Variants in SNX30 observed in about 807,000 individuals in gnomAD.
SNX30 encodes sorting nexin family member 30, also known as sorting nexin-30.
In SNX30, 24 loss-of-function variants were observed where a neutral mutation model predicts 46.4. The ratio of observed to expected loss-of-function variants is 0.52; its 90% CI spans 0.37 to 0.73. The LOEUF is 0.73. Among genes scored for constraint, SNX30 ranks in the 30% least tolerant of loss-of-function variants. SNX30 has a pLI of 0.00. For missense variants in SNX30, 533 were observed against 555.7 expected, an observed-to-expected ratio of 0.96 and a Z score of 0.41; for synonymous variants, 189 against 211.5, an observed-to-expected ratio of 0.89 and a Z score of 0.92.
intron 7 of SNX30, among the ~76,000 whole-genome samples, chr9:112,854,168 G>A (rs940682309): frequency 2.0e-4 from 30 of 152,328 alleles, no homozygotes; most frequent in African/African-American, 6.5e-4. Context: ...ATAATAGGCT[G>A]AGTTAAGTCT....
intron 1 of SNX30, among the ~76,000 whole-genome samples, chr9:112,785,635 T>G (rs1433098945): frequency 1.3e-5 from 2 of 152,128 alleles, no homozygotes; most frequent in Admixed American, 1.3e-4. Context: ...CTGCCTGCCT[T>G]GGCTTTCCAA....
intron 8 of SNX30, among the ~76,000 whole-genome samples, chr9:112,865,033 C>A (rs900935032): frequency 2.7e-5 from 4 of 150,824 alleles, no homozygotes; most frequent in Non-Finnish European, 5.9e-5. Context: ...CCACCACACC[C>A]CACACACACA....
At chr9:112,758,194 G>A (rs1203643644) in intron 1 of SNX30, among the ~76,000 whole-genome samples, 4 of 152,154 alleles carry the variant, frequency 2.6e-5, no homozygotes, top group African/African-American at 9.7e-5. Flanking sequence ...AAGGCTGACT[G>A]AGGGTGTAGA....
At position 112,865,744 on chromosome 9, in the gene SNX30, AGT is replaced by A. The variant is rs35558616; in HGVS notation, c.1254+1360_1254+1361del. Among the ~76,000 whole-genome samples the A allele has an allele frequency of 4.9e-3, 686 of 139,890 alleles. 5 individuals are homozygous for A. The highest frequency in any genetic ancestry group is 0.018 in the East Asian group (84 of 4,688). The allele number at this position is 139,890 out of a possible 152,430, so 91.8% of individuals were successfully genotyped here. On this transcript the variant is annotated intron_variant, in intron 8 of 8. Transcript: ENST00000374232. ...ACATACATACATACACACATGAGTG[AGT>A]GTGTGTGTGTGTGTATGTATGTATG...
At chr9:112,865,059 AC>A (rs1200188871) in intron 8 of SNX30, among the ~76,000 whole-genome samples, 11 of 119,072 alleles carry the variant, frequency 9.2e-5, no homozygotes, top group South Asian at 3.2e-4. Flanking sequence ...CACACACCAC[AC>A]CCCCCCACAC....
chr9:112,835,811 G>T (rs1279470650), intron 4 of SNX30, among the ~76,000 whole-genome samples: 1 of 151,944 alleles, frequency 6.6e-6, no homozygotes, highest in Non-Finnish European at 1.5e-5. Context: ...CTTTAGTTGG[G>T]GTATAAATAA....
chr9:112,772,374 G>A (rs566495270), intron 1 of SNX30, among the ~76,000 whole-genome samples: 1 of 152,318 alleles, frequency 6.6e-6, no homozygotes, highest in African/African-American at 2.4e-5. Context: ...CTCCAGGTGT[G>A]CTGGGAGACC....
chr9:112,807,247 G>A lies in SNX30; in HGVS notation c.348+2280G>A, dbSNP rs1840243229. On this transcript the variant is annotated intron_variant, in intron 2 of 8. Transcript: ENST00000374232. ...TGCCCGGCTACTTTTTGTATTTTTA[G>A]TAGAGATGAGGTTTTACTATGTTGG... Among the ~76,000 whole-genome samples, 3 of 151,872 alleles carry A rather than the reference G, an allele frequency of 2.0e-5. 1 individual carries two copies. The South Asian group carries it at 6.2e-4, about 32-fold the overall frequency.
At chr9:112,760,205 G>T (rs1396074448) in intron 1 of SNX30, among the ~76,000 whole-genome samples, 1 of 152,246 alleles carries the variant, frequency 6.6e-6, no homozygotes, top group East Asian at 1.9e-4. Context: ...AGGGGAAGAG[G>T]CGAAGTTAAG....
At chr9:112,810,359 G>C (rs1376528647) in intron 2 of SNX30, among the ~76,000 whole-genome samples, 1 of 152,174 alleles carries the variant, frequency 6.6e-6, no homozygotes, top group Non-Finnish European at 1.5e-5. Flanking sequence ...ACACACCCAG[G>C]TCTGGTAGAG....
chr9:112,786,930 T>C (rs1839938774), intron 1 of SNX30, among the ~76,000 whole-genome samples: 1 of 152,238 alleles, frequency 6.6e-6, no homozygotes, highest in Non-Finnish European at 1.5e-5. Context: ...ATGTTTTAAC[T>C]ATGATCAGAC....
At chr9:112,766,094 G>A (rs983699023) in intron 1 of SNX30, among the ~76,000 whole-genome samples, 1 of 152,034 alleles carries the variant, frequency 6.6e-6, no homozygotes, top group Non-Finnish European at 1.5e-5. Context: ...GAGCCACCAC[G>A]CCCAGCCTAG....
At chr9:112,864,766 G>T (rs1050583885) in intron 8 of SNX30, among the ~76,000 whole-genome samples, 16 of 152,036 alleles carry the variant, frequency 1.1e-4, no homozygotes, top group Non-Finnish European at 2.2e-4. Flanking sequence ...CTGTACACAG[G>T]GTCCCTTCAG....
chr9:112,854,719 G>A (rs1841092667), intron 7 of SNX30, among the ~76,000 whole-genome samples: 1 of 152,170 alleles, frequency 6.6e-6, no homozygotes, highest in African/African-American at 2.4e-5. Flanking sequence ...GGCAGAGGAG[G>A]GTGCAGTTGG....
rs117096049 is a variant in SNX30, at chr9:112,837,820, A to G, written c.815-678A>G. Among the ~76,000 whole-genome samples the G allele has an allele frequency of 9.9e-3, 1,486 of 149,844 alleles. 7 individuals carry two copies. The highest frequency in any genetic ancestry group is 0.015 in the Non-Finnish European group (1,038 of 67,576). On this transcript the variant is annotated intron_variant, in intron 5 of 8. Coordinates refer to ENST00000374232, the MANE Select transcript of SNX30 (RefSeq NM_001012994.2). ...TTTAAAAACATCTCCCTAAACCTAT[A>G]TGAAACTCTGCCTCCATTGCCTGTT...
At chr9:112,875,565 C>T (rs1249366400), downstream of SNX30, among the ~76,000 whole-genome samples, 4 of 152,160 alleles carry the variant, frequency 2.6e-5, no homozygotes, top group East Asian at 1.9e-4. Context: ...TTTAGTATTA[C>T]GATCTTTGAG....
intron 7 of SNX30, among the ~76,000 whole-genome samples, chr9:112,857,604 G>C (rs1246767614): frequency 1.3e-5 from 2 of 152,158 alleles, no homozygotes; most frequent in Non-Finnish European, 2.9e-5. Context: ...GATTATATCT[G>C]TCTTGTGTAG....
At position 112,828,607 on chromosome 9, in the gene SNX30, T is replaced by C. The variant is rs891845865; in HGVS notation, c.460-2118T>C. Among the ~76,000 whole-genome samples, 10 of 152,316 alleles carry C rather than the reference T, an allele frequency of 6.6e-5. No individual in the cohort carries two copies. In the South Asian group the frequency reaches 2.1e-3, roughly 32 times the overall value. On this transcript the variant is annotated intron_variant, in intron 3 of 8. Coordinates refer to ENST00000374232, the MANE Select transcript of SNX30 (RefSeq NM_001012994.2). ...CAAAAAGTTGAGGATTGTTAATTCC[T>C]TCATGGGGGCAGGAATAAGCGGAGA...
chr9:112,764,976 C>T (rs372035199), intron 1 of SNX30, among the ~76,000 whole-genome samples: 8 of 152,302 alleles, frequency 5.3e-5, no homozygotes, highest in Admixed American at 6.5e-5. Context: ...AGTCTATCTT[C>T]CCAGGGGAAA....
Sources: gnomAD v4.1 joint callset for allele counts (sites outside exome capture counted in the v4.1 genomes callset) on GRCh38, gnomAD v4.1.1 for gene constraint, MANE v1.5 for transcripts, NCBI Gene and HGNC (gene_info 2026-07-23, HGNC 2026-07-21) for gene names.